The following PUF60 variants were observed in gnomAD, a reference collection of about 807,000 sequenced individuals.
PUF60 encodes the protein poly(U)-binding-splicing factor PUF60.
In PUF60, 10 loss-of-function variants were observed where a neutral mutation model predicts 61.8. That is an observed-to-expected ratio of 0.16 (90% CI 0.10 to 0.27). The LOEUF is 0.27. PUF60 is among the 10% of genes least tolerant of loss of function. PUF60 has a pLI of 1.00. For missense variants in PUF60, 371 were observed against 754.0 expected, an observed-to-expected ratio of 0.49 and a Z score of 5.95; for synonymous variants, 353 against 300.9, an observed-to-expected ratio of 1.17 and a Z score of -1.79.
intron 4 of PUF60, 93 bp downstream of exon 4, chr8:143,821,504 G>A (rs1212750855): frequency 8.6e-7 from 1 of 1,167,100 alleles, no homozygotes; most frequent in Non-Finnish European, 1.2e-6. Context: ...CAGCTTGCGG[G>A]GACGGCCGCA....
chr8:143,828,925 G>A, intron 1 of PUF60: 1 of 986,798 alleles, frequency 1.0e-6, no homozygotes, highest in East Asian at 1.1e-4. Flanking sequence ...CGCTTCCGTC[G>A]TGACCACGGC....
chr8:143,820,266 G>A, intron 5 of PUF60: 1 of 209,840 alleles, frequency 4.8e-6, no homozygotes, highest in South Asian at 7.7e-5. Context: ...CCATGAGTTA[G>A]GACCCCTCTC....
Position 143,827,478 on chromosome 8 carries a change from C to CAAA in PUF60, c.24+1801_24+1802insTTT, listed in dbSNP as rs1233515070. Reference sequence around the variant, plus strand: ...AGGCCCTTCTGCATCTTCTGGCTTCCTTCCCCACCAGGCCACTGTCAGCCA... The same window carrying CAAA: ...AGGCCCTTCTGCATCTTCTGGCTTCCAAATTCCCCACCAGGCCACTGTCAGCCA... On this transcript the variant is annotated intron_variant, in intron 1 of 11. Coordinates refer to ENST00000526683, the MANE Select transcript of PUF60 (RefSeq NM_078480.3). The CAAA allele has an allele frequency of 1.1e-5, 5 of 455,978 alleles. No individual in the cohort carries two copies. The East Asian group carries it at 3.5e-4, about 32-fold the overall frequency. 28.2% of individuals were successfully genotyped at this position (455,978 alleles called of 1,614,324 possible).
chr8:143,820,061 G>A (rs934830409), intron 5 of PUF60, among the ~76,000 whole-genome samples: 1 of 152,172 alleles, frequency 6.6e-6, no homozygotes, highest in Admixed American at 6.5e-5. Flanking sequence ...GGAAGGGAGG[G>A]ACACCTCCTT....
chr8:143,821,651 A>G lies in PUF60; in HGVS notation c.243T>C (p.Ser81=), dbSNP rs1420613827. Reference sequence around the variant, plus strand: ...GCGCGATGGTCTGCTTCACCAGCACACTCTTGATGCTCTGCTCCATGGCGT... The same window carrying G: ...GCGCGATGGTCTGCTTCACCAGCACGCTCTTGATGCTCTGCTCCATGGCGT... The part of the protein sequence containing the change: ...KKYAMEQSIK[S]VLVKQTIAHQ... Residue 81 remains serine, a synonymous_variant, in exon 4 of 12, where the codon AGT becomes AGC. Transcript: ENST00000526683. 14 of 1,547,688 alleles carry G rather than the reference A, an allele frequency of 9.0e-6. 1 individual carries two copies. The highest frequency in any genetic ancestry group is 8.3e-5 in the South Asian group (7 of 84,044).
intron 1 of PUF60, among the ~76,000 whole-genome samples, chr8:143,828,562 C>G (rs369386992): frequency 2.0e-4 from 31 of 152,322 alleles, no homozygotes; most frequent in African/African-American, 7.5e-4. Context: ...GATGCCCACG[C>G]AGCTCCCTAG....
Position 143,818,940 on chromosome 8 carries a change from C to T in PUF60, c.349-406G>A, listed in dbSNP as rs928142753. On this transcript the variant is annotated intron_variant, in intron 5 of 11. Coordinates refer to ENST00000526683, the MANE Select transcript of PUF60 (RefSeq NM_078480.3). The surrounding 1 kb of genome is among the most constrained non-coding windows in gnomAD (Gnocchi z 7.9). ...GACAGAAGAGGGAAGGAGGAACCAT[C>T]CAAGCTGGAGGGACCCACTGGTTTG... 4.3e-4 allele frequency: 93 copies of T among 217,214 alleles called. No individual in the cohort carries two copies. In the Admixed American group the frequency reaches 4.3e-3, roughly 10 times the overall value. 13.5% of individuals were successfully genotyped at this position (217,214 alleles called of 1,614,324 possible). A position where few individuals can be genotyped will look rare whatever the true frequency, so the allele number is the denominator to read the frequency against.
intron 4 of PUF60, chr8:143,821,218 G>A (rs939178356): frequency 9.1e-6 from 4 of 441,302 alleles, no homozygotes; most frequent in African/African-American, 2.0e-5. Flanking sequence ...GGCCTGAGCA[G>A]TCTTATCCAG....
chr8:143,817,637 G>A lies in PUF60; in HGVS notation c.963C>T (p.Ala321=), dbSNP rs202135558. ...TPATPGGLPP[A]AAVAAAAATA... is the part of the protein sequence containing the mutation. Reference sequence around the variant, plus strand: ...TGGCTGCAGCAGCTGCCACAGCAGCGGCAGGTGGGAGGCCTCCAGGCGTGG... The same window carrying A: ...TGGCTGCAGCAGCTGCCACAGCAGCAGCAGGTGGGAGGCCTCCAGGCGTGG... Residue 321 remains alanine (A), a synonymous_variant, in exon 9 of 12, where the codon GCC becomes GCT. Transcript: ENST00000526683. The surrounding 1 kb of genome is among the most constrained non-coding windows in gnomAD (Gnocchi z 7.4). 8.4e-5 allele frequency: 135 copies of A among 1,612,484 alleles called. No homozygotes were observed. The highest frequency in any genetic ancestry group is 4.7e-4 in the Admixed American group (28 of 60,020).
Position 143,818,727 on chromosome 8 carries a change from C to A in PUF60, c.349-193G>T. On this transcript the variant is annotated intron_variant, in intron 5 of 11. Coordinates refer to ENST00000526683, the MANE Select transcript of PUF60 (RefSeq NM_078480.3). This position sits in a 1 kb window ranked among gnomAD's most constrained non-coding sequence, Gnocchi z 7.9. Reference sequence around the variant, plus strand: ...GACCCCGCCACCCAAAGAAGGAAGGCCAGGCCCAGCGGCAGGACAGGACGC... The same window carrying A: ...GACCCCGCCACCCAAAGAAGGAAGGACAGGCCCAGCGGCAGGACAGGACGC... The A allele has an allele frequency of 1.6e-6, 1 of 644,856 alleles. No homozygotes were observed. The highest frequency in any genetic ancestry group is 2.6e-6 in the Non-Finnish European group (1 of 382,526). The allele number at this position is 644,856 out of a possible 1,614,324, so 39.9% of individuals were successfully genotyped here. A position where few individuals can be genotyped will look rare whatever the true frequency, so the allele number is the denominator to read the frequency against.
intron 1 of PUF60, chr8:143,829,032 C>T: frequency 1.0e-6 from 1 of 1,001,954 alleles, no homozygotes; most frequent in East Asian, 1.1e-4. Context: ...AAGGGCCACA[C>T]GCCGCGCCCA....
rs1816440664 is a variant in PUF60, at chr8:143,817,224, G to A, written c.1145-79C>T. On this transcript the variant is annotated intron_variant, in intron 10 of 11. Coordinates refer to ENST00000526683, the MANE Select transcript of PUF60 (RefSeq NM_078480.3). This position sits in a 1 kb window ranked among gnomAD's most constrained non-coding sequence, Gnocchi z 7.4. ...GAAAGGCACAGAGCTGGCCTGCCCT[G>A]GGCTCAGAGGGTTGTGCCCAGACCA... 6.6e-7 allele frequency: 1 copy of A among 1,518,438 alleles called. No individual in the cohort carries two copies. The highest frequency in any genetic ancestry group is 8.8e-7 in the Non-Finnish European group (1 of 1,131,938). 94.1% of individuals were successfully genotyped at this position (1,518,438 alleles called of 1,614,324 possible). A position where few individuals can be genotyped will look rare whatever the true frequency, so the allele number is the denominator to read the frequency against.
rs1481195230 is a variant in PUF60, at chr8:143,818,549, A to G, written c.349-15T>C. On this transcript the variant is annotated splice_polypyrimidine_tract_variant and intron_variant, in intron 5 of 11. Transcript: ENST00000526683. The surrounding 1 kb of genome is among the most constrained non-coding windows in gnomAD (Gnocchi z 7.9). ...TGAGCCGCCATCTGCAGCAGGACAG[A>G]GGGGAGAGAACCGCTGGCTCGTCAG... 1 of 1,570,796 alleles carries G rather than the reference A, an allele frequency of 6.4e-7. No homozygotes were observed. The highest frequency in any genetic ancestry group is 1.8e-5 in the Admixed American group (1 of 54,424).
At position 143,818,080 on chromosome 8, in the gene PUF60, G is replaced by A. The variant is rs769250804; in HGVS notation, c.604-5C>T. On this transcript the variant is annotated splice_region_variant and splice_polypyrimidine_tract_variant and intron_variant, in intron 7 of 11. Transcript: ENST00000526683. This position sits in a 1 kb window ranked among gnomAD's most constrained non-coding sequence, Gnocchi z 7.9. The stretch of plus-strand genomic sequence containing the variant: ...TATGTTGCTGGGTCTGCCCACCTGG[G>A]GAAGAGGCGGTGAGATGGAAAGACC... The A allele has an allele frequency of 1.2e-6, 2 of 1,611,424 alleles. No individual in the cohort carries two copies. The highest frequency in any genetic ancestry group is 1.7e-5 in the Admixed American group (1 of 59,850).
intron 1 of PUF60, among the ~76,000 whole-genome samples, chr8:143,825,548 G>C (rs186667230): frequency 6.6e-6 from 1 of 152,032 alleles, no homozygotes; most frequent in Non-Finnish European, 1.5e-5. Context: ...TTTGAGACAG[G>C]GTCTGGCTCT....
At position 143,817,524 on chromosome 8, in the gene PUF60, G is replaced by T; in HGVS notation, c.1009-58C>A. ...TGGTCTGGCTACTCAAGACCACCTT[G>T]AATCAGTCTCCAAGGAATCAGGGGC... On this transcript the variant is annotated intron_variant, in intron 9 of 11. Transcript: ENST00000526683. The surrounding 1 kb of genome is among the most constrained non-coding windows in gnomAD (Gnocchi z 7.4). The T allele has an allele frequency of 6.2e-7, 1 of 1,608,232 alleles. No homozygotes were observed. The highest frequency in any genetic ancestry group is 1.1e-5 in the South Asian group (1 of 90,856).
Position 143,817,217 on chromosome 8 carries a change from C to T in PUF60, c.1145-72G>A. On this transcript the variant is annotated intron_variant, in intron 10 of 11. Coordinates refer to ENST00000526683, the MANE Select transcript of PUF60 (RefSeq NM_078480.3). The surrounding 1 kb of genome is among the most constrained non-coding windows in gnomAD (Gnocchi z 7.4). ...CTTCCCAGAAAGGCACAGAGCTGGCCTGCCCTGGGCTCAGAGGGTTGTGCC... is the reference window on the plus strand; with the variant it reads ...CTTCCCAGAAAGGCACAGAGCTGGCTTGCCCTGGGCTCAGAGGGTTGTGCC... The T allele has an allele frequency of 1.3e-6, 2 of 1,519,658 alleles. No individual in the cohort carries two copies. The highest frequency in any genetic ancestry group is 1.8e-6 in the Non-Finnish European group (2 of 1,132,532). 94.1% of individuals were successfully genotyped at this position (1,519,658 alleles called of 1,614,324 possible). A position where few individuals can be genotyped will look rare whatever the true frequency, so the allele number is the denominator to read the frequency against.
At chr8:143,829,218 T>G in intron 1 of PUF60, 62 bp downstream of exon 1, 8 of 1,235,612 alleles carry the variant, frequency 6.5e-6, no homozygotes, top group Non-Finnish European at 7.1e-6. Context: ...GCGCCCAGGC[T>G]GGGTCGACGA....
In PUF60 at chr8:143,817,278, C is replaced by G; in HGVS notation, c.1144+53G>C. ...GGGCCAGGCAGCTGAGGGCAGCGAG[C>G]CGAGAGATGCCAGGACAGGAGAGGA... On this transcript the variant is annotated intron_variant, in intron 10 of 11. Coordinates refer to ENST00000526683, the MANE Select transcript of PUF60 (RefSeq NM_078480.3). The surrounding 1 kb of genome is among the most constrained non-coding windows in gnomAD (Gnocchi z 7.4). 1.9e-6 allele frequency: 3 copies of G among 1,554,900 alleles called. No homozygotes were observed. Among genetic ancestry groups the G allele is most frequent in the African/African-American group, 1.4e-5 (1 of 72,584 alleles).
Sources: allele counts gnomAD v4.1 joint callset (sites outside exome capture counted in the v4.1 genomes callset), GRCh38; gene constraint gnomAD v4.1.1; non-coding constraint Gnocchi (gnomAD v3.1); transcripts MANE v1.5; gene names NCBI Gene and HGNC (gene_info 2026-07-23, HGNC 2026-07-21).